The following EPB41L3 variants were observed in gnomAD, a reference collection of about 807,000 sequenced individuals.
EPB41L3 encodes the protein band 4.1-like protein 3.
Under a neutral mutation model 127.1 loss-of-function variants are expected in EPB41L3, and 57 were observed. The observed-to-expected ratio is 0.45, with a 90% CI of 0.36 to 0.56. EPB41L3 has a LOEUF of 0.56. EPB41L3 is among the 20% of genes least tolerant of loss of function. The probability of loss-of-function intolerance (pLI) is 0.00; values close to 1 mark genes in which losing one functional copy is unlikely to be tolerated. For missense variants in EPB41L3, 1,273 were observed against 1,372.2 expected (o/e 0.93, Z 1.14); for synonymous variants, 572 against 549.5 (o/e 1.04, Z -0.57).
upstream of EPB41L3, among the ~76,000 whole-genome samples, chr18:5,629,527 G>T (rs1271186672): frequency 6.6e-6 from 1 of 152,170 alleles, no homozygotes; most frequent in Non-Finnish European, 1.5e-5. Context: ...AGGAAAGCAG[G>T]GGCTGAAACG....
At chr18:5,523,486 A>C (rs147307276) in intron 1 of EPB41L3, among the ~76,000 whole-genome samples, 56 of 152,356 alleles carry the variant, frequency 3.7e-4, no homozygotes, top group African/African-American at 1.3e-3. Flanking sequence ...GTTTTAAAAT[A>C]TACCCAACTT....
chr18:5,412,706 T>G (rs1215084391), intron 13 of EPB41L3, among the ~76,000 whole-genome samples: 1 of 152,152 alleles, frequency 6.6e-6, no homozygotes, highest in Non-Finnish European at 1.5e-5. Flanking sequence ...TAACGTCAGA[T>G]GAACATGAGC....
chr18:5,441,696 C>A lies in EPB41L3; in HGVS notation c.529+2142G>T, dbSNP rs1049619268. Reference sequence around the variant, plus strand: ...AGCCAGGATGGTCTCGATCTCCTGACCTCGTGATCCGCCCGTCTCGGCCTC... The same window carrying A: ...AGCCAGGATGGTCTCGATCTCCTGAACTCGTGATCCGCCCGTCTCGGCCTC... On this transcript the variant is annotated intron_variant, in intron 5 of 22. Transcript: ENST00000341928. Among the ~76,000 whole-genome samples, 30 of 152,132 alleles carry A rather than the reference C, an allele frequency of 2.0e-4. No individual in the cohort carries two copies. In the East Asian group the frequency reaches 5.0e-3, roughly 26 times the overall value.
chr18:5,536,010 A>T (rs1009805988), intron 1 of EPB41L3, among the ~76,000 whole-genome samples: 3 of 152,122 alleles, frequency 2.0e-5, no homozygotes, highest in Non-Finnish European at 2.9e-5. Context: ...TCAGGTCCAG[A>T]CTGCTGCATC....
intron 2 of EPB41L3, among the ~76,000 whole-genome samples, chr18:5,484,086 CAAAAAAAAAAAAAAAAAAA>C (rs57231548): frequency 7.1e-4 from 13 of 18,264 alleles, no homozygotes; most frequent in Admixed American, 1.5e-3. Flanking sequence ...CAAACAAACT[CAAAAAAAAAAAAAAAAAAA>C]AAAAAAAAAA....
chr18:5,459,051 G>A (rs1660505684), intron 3 of EPB41L3, among the ~76,000 whole-genome samples: 1 of 152,116 alleles, frequency 6.6e-6, no homozygotes, highest in Non-Finnish European at 1.5e-5. Flanking sequence ...CCTTGCAGGA[G>A]GGTGATATTC....
intron 2 of EPB41L3, chr18:5,480,803 C>A (rs1187056002): frequency 6.6e-6 from 1 of 152,090 alleles, no homozygotes; most frequent in African/African-American, 2.4e-5. Context: ...TATCTGACTG[C>A]AGAAGATAAA....
At chr18:5,408,404 G>A (rs1311037300) in intron 14 of EPB41L3, among the ~76,000 whole-genome samples, 1 of 151,396 alleles carries the variant, frequency 6.6e-6, no homozygotes, top group Non-Finnish European at 1.5e-5. Flanking sequence ...CTCCCAGGTA[G>A]CTGGGATTAC....
chr18:5,395,010 A>G lies in EPB41L3; in HGVS notation c.3153+57T>C, dbSNP rs749098606. The stretch of plus-strand genomic sequence containing the variant: ...AGAGGAATAGCATTGAAACTGTAGG[A>G]CCAACAGGTTTTTCTTTGTTTCTCT... On this transcript the variant is annotated intron_variant, in intron 21 of 22. Coordinates refer to ENST00000341928, the MANE Select transcript of EPB41L3 (RefSeq NM_012307.5). The G allele has an allele frequency of 4.6e-6, 7 of 1,535,674 alleles. No individual in the cohort carries two copies. In the South Asian group the frequency reaches 7.8e-5, roughly 17 times the overall value.
rs1219522415 is a variant in EPB41L3, at chr18:5,489,280, C to T, written c.-11-86G>A. 4.1e-6 allele frequency: 6 copies of T among 1,456,240 alleles called. No individual in the cohort carries two copies. The Admixed American group carries it at 7.7e-5, about 19-fold the overall frequency. The allele number at this position is 1,456,240 out of a possible 1,614,324, so 90.2% of individuals were successfully genotyped here. ...AAACTAGGATGCTCACCGTGAAAGG[C>T]TCAAGAGAACCACAGAGAGGGAGAT... is the stretch of plus-strand genomic sequence containing the variant. On this transcript the variant is annotated intron_variant, in intron 1 of 22. Transcript: ENST00000341928.
chr18:5,410,825 T>C (rs144842865), intron 13 of EPB41L3, among the ~76,000 whole-genome samples: 210 of 152,242 alleles, frequency 1.4e-3, no homozygotes, highest in Middle Eastern at 6.8e-3. Context: ...AGCCAACTCA[T>C]AGGAATACCT....
chr18:5,629,025 C>G (rs1192706900), upstream of EPB41L3: 2 of 152,276 alleles, frequency 1.3e-5, no homozygotes, highest in African/African-American at 4.8e-5. Flanking sequence ...CCAGCGTCGC[C>G]TTCTCGGGTG....
In EPB41L3 at chr18:5,499,829, G is replaced by GTGTGTATATATATATATATATATATATA. The variant is rs563662904; in HGVS notation, c.-11-10636_-11-10635insTATATATATATATATATATATATACACA. 6.6e-3 allele frequency among the ~76,000 whole-genome samples: 817 copies of GTGTGTATATATATATATATATATATATA among 124,082 alleles called. 14 individuals carry two copies. The highest frequency in any genetic ancestry group is 8.1e-3 in the Non-Finnish European group (462 of 57,040). 81.4% of individuals were successfully genotyped at this position (124,082 alleles called of 152,430 possible). A position where few individuals can be genotyped will look rare whatever the true frequency, so the allele number is the denominator to read the frequency against. ...CCTACTACATACTTACTATGTGTGT[G>GTGTGTATATATATATATATATATATATA]TATATATATATATATATATGGCATT... On this transcript the variant is annotated intron_variant, in intron 1 of 22. Coordinates refer to ENST00000341928, the MANE Select transcript of EPB41L3 (RefSeq NM_012307.5).
chr18:5,533,885 C>A (rs1397226922), intron 1 of EPB41L3, among the ~76,000 whole-genome samples: 1 of 152,220 alleles, frequency 6.6e-6, no homozygotes, highest in Non-Finnish European at 1.5e-5. Flanking sequence ...AAACCCAAGG[C>A]CGGGCGCCGT....
intron 1 of EPB41L3, among the ~76,000 whole-genome samples, chr18:5,541,401 G>T (rs554599703): frequency 1.3e-5 from 2 of 151,968 alleles, no homozygotes; most frequent in South Asian, 4.1e-4. Flanking sequence ...TTTAGGGAAA[G>T]CACTAACTTA....
chr18:5,566,742 C>CTATTCTATTT (rs2094206242), intron 3 of EPB41L3, among the ~76,000 whole-genome samples: 1 of 126,652 alleles, frequency 7.9e-6, no homozygotes, highest in African/African-American at 3.0e-5. Flanking sequence ...CTATTCTATT[C>CTATTCTATTT]TATTCTATTC....
chr18:5,510,435 A>AT (rs1421817101), intron 1 of EPB41L3, among the ~76,000 whole-genome samples: 2 of 152,208 alleles, frequency 1.3e-5, no homozygotes, highest in Non-Finnish European at 2.9e-5. Flanking sequence ...CTCAGCTGAG[A>AT]TAAAAAAACA....
At chr18:5,441,401 C>T (rs961779407) in intron 5 of EPB41L3, among the ~76,000 whole-genome samples, 10 of 151,220 alleles carry the variant, frequency 6.6e-5, no homozygotes, top group Admixed American at 2.0e-4. Context: ...AATTTTGTGG[C>T]AAGAGGGCAT....
At chr18:5,445,268 C>A in intron 3 of EPB41L3, 24 bp from the exon 4 acceptor site, 1 of 1,549,606 alleles carries the variant, frequency 6.5e-7, no homozygotes, top group South Asian at 1.1e-5. Context: ...AATAGCAAAG[C>A]AAGTCAATAC....
Sources: allele counts gnomAD v4.1 joint callset (sites outside exome capture counted in the v4.1 genomes callset), GRCh38; gene constraint gnomAD v4.1.1; transcripts MANE v1.5; gene names NCBI Gene and HGNC (gene_info 2026-07-23, HGNC 2026-07-21).